The following PELI2 variants were observed in gnomAD, a reference collection of about 807,000 sequenced individuals.
PELI2 encodes E3 ubiquitin-protein ligase pellino homolog 2.
PELI2 carries 23 observed loss-of-function variants against 42.3 expected under a neutral mutation model. The observed-to-expected ratio is 0.54, with a 90% CI of 0.39 to 0.77. PELI2 has a LOEUF of 0.77. Among genes scored for constraint, PELI2 ranks in the 30% least tolerant of loss-of-function variants. PELI2 has a pLI of 0.00. For synonymous variants in PELI2, 245 were observed against 212.2 expected (o/e 1.15, Z -1.34); for missense variants, 463 against 553.2 (o/e 0.84, Z 1.64).
chr14:56,179,437 T>C (rs975331361), intron 2 of PELI2, among the ~76,000 whole-genome samples: 2 of 152,192 alleles, frequency 1.3e-5, no homozygotes, highest in Non-Finnish European at 2.9e-5. Context: ...TTTAAAAAGC[T>C]CCTATTTCTG....
intron 2 of PELI2, among the ~76,000 whole-genome samples, chr14:56,229,201 T>G (rs1269975645): frequency 6.6e-6 from 1 of 152,226 alleles, no homozygotes; most frequent in Non-Finnish European, 1.5e-5. Flanking sequence ...CAGAAGCTTT[T>G]GCAGACTTAA....
At chr14:56,247,731 C>T (rs1276271241) in intron 2 of PELI2, among the ~76,000 whole-genome samples, 2 of 152,218 alleles carry the variant, frequency 1.3e-5, no homozygotes, top group African/African-American at 4.8e-5. Flanking sequence ...TATAATCATT[C>T]ACCCAGGTAT....
At position 56,295,229 on chromosome 14, in the gene PELI2, A is replaced by G. The variant is rs114736764; in HGVS notation, c.697-1371A>G. 8.1e-4 allele frequency among the ~76,000 whole-genome samples: 123 copies of G among 151,874 alleles called. 1 individual carries two copies. Among genetic ancestry groups the G allele is most frequent in the African/African-American group, 2.9e-3 (119 of 41,428 alleles). On this transcript the variant is annotated intron_variant, in intron 5 of 5. Coordinates refer to ENST00000267460, the MANE Select transcript of PELI2 (RefSeq NM_021255.3). Reference sequence around the variant, plus strand: ...CTTTACCCCTCCAACCCACCCTCCAAAGTTCTAGAAGTGACCTTTTTGAAA... The same window carrying G: ...CTTTACCCCTCCAACCCACCCTCCAGAGTTCTAGAAGTGACCTTTTTGAAA...
chr14:56,151,590 C>T (rs10149001), intron 1 of PELI2, among the ~76,000 whole-genome samples: 115 of 152,252 alleles, frequency 7.6e-4, no homozygotes, highest in African/African-American at 2.7e-3. Flanking sequence ...TGCGTAGCTC[C>T]GTGGTGGTGA....
chr14:56,238,219 T>A (rs1337661445), intron 2 of PELI2, among the ~76,000 whole-genome samples: 1 of 152,156 alleles, frequency 6.6e-6, no homozygotes, highest in Non-Finnish European at 1.5e-5. Context: ...CTCTGCTGAG[T>A]TAATATGCCT....
At chr14:56,141,013 G>A (rs565271493) in intron 1 of PELI2, among the ~76,000 whole-genome samples, 1 of 152,162 alleles carries the variant, frequency 6.6e-6, no homozygotes, top group Non-Finnish European at 1.5e-5. Flanking sequence ...GCTGAGGAAA[G>A]CATTAGTTCA....
At chr14:56,271,839 G>T (rs573267695) in intron 2 of PELI2, among the ~76,000 whole-genome samples, 3 of 152,166 alleles carry the variant, frequency 2.0e-5, no homozygotes, top group Non-Finnish European at 4.4e-5. Context: ...AGCAGATCGC[G>T]TGAGCCCAGG....
intron 2 of PELI2, among the ~76,000 whole-genome samples, chr14:56,262,467 A>G (rs559105652): frequency 4.6e-5 from 7 of 152,044 alleles, no homozygotes; most frequent in African/African-American, 1.7e-4. Flanking sequence ...ATATCAGAGT[A>G]TTTTCCTTGA....
chr14:56,135,427 CAAT>C lies in PELI2; in HGVS notation c.77+16693_77+16695del, dbSNP rs143062716. 6.3e-3 allele frequency among the ~76,000 whole-genome samples: 960 copies of C among 152,174 alleles called. 11 individuals are homozygous for C. Among genetic ancestry groups the C allele is most frequent in the African/African-American group, 0.022 (921 of 41,496 alleles). Reference sequence around the variant, plus strand: ...ATGGTGTGTAATGGGCGCATGCTCTCAATAAAAAATGATGCAGAAATTGCAGAT... The same window carrying C: ...ATGGTGTGTAATGGGCGCATGCTCTCAAAAAATGATGCAGAAATTGCAGAT... On this transcript the variant is annotated intron_variant, in intron 1 of 5. Transcript: ENST00000267460.
At chr14:56,164,967 GT>G (rs35554850) in intron 1 of PELI2, among the ~76,000 whole-genome samples, 59,207 of 144,964 alleles carry the variant, frequency 0.41, 12,441 homozygotes, top group South Asian at 0.54. Flanking sequence ...AATTTTGTTG[GT>G]TTTTTTTTTT....
intron 2 of PELI2, among the ~76,000 whole-genome samples, chr14:56,207,896 A>G (rs1242239644): frequency 6.6e-6 from 1 of 152,242 alleles, no homozygotes; most frequent in Non-Finnish European, 1.5e-5. Context: ...CTCTCAGGAC[A>G]GACTGTGGAC....
chr14:56,296,429 G>A (rs911683700), intron 5 of PELI2, among the ~76,000 whole-genome samples, 171 bp from the exon 6 acceptor site: 2 of 152,224 alleles, frequency 1.3e-5, no homozygotes, highest in African/African-American at 4.8e-5. Context: ...GATCAGATGA[G>A]GAAGATGAGG....
intron 1 of PELI2, among the ~76,000 whole-genome samples, chr14:56,176,715 A>G (rs1885399561): frequency 6.6e-6 from 1 of 152,176 alleles, no homozygotes; most frequent in South Asian, 2.1e-4. Flanking sequence ...GTCATTCTCA[A>G]TCACATTATT....
intron 1 of PELI2, among the ~76,000 whole-genome samples, chr14:56,154,705 AT>A (rs1449159329): frequency 1.3e-5 from 2 of 152,144 alleles, no homozygotes; most frequent in African/African-American, 4.8e-5. Context: ...AAACAGTGAC[AT>A]AATTAACATC....
chr14:56,228,568 T>C lies in PELI2; in HGVS notation c.207+50104T>C, dbSNP rs143629442. On this transcript the variant is annotated intron_variant, in intron 2 of 5. Coordinates refer to ENST00000267460, the MANE Select transcript of PELI2 (RefSeq NM_021255.3). ...ATACACGATTATAAACTTAACATTT[T>C]TTAAAAACTGGATTAAAAAATTCAC... Among the ~76,000 whole-genome samples, 230 of 152,376 alleles carry C rather than the reference T, an allele frequency of 1.5e-3. 1 individual carries two copies. Among genetic ancestry groups the C allele is most frequent in the African/African-American group, 5.3e-3 (222 of 41,596 alleles).
chr14:56,195,160 T>C (rs1886088121), intron 2 of PELI2, among the ~76,000 whole-genome samples: 1 of 152,176 alleles, frequency 6.6e-6, no homozygotes, highest in South Asian at 2.1e-4. Flanking sequence ...GCTAAATAAG[T>C]CTAGAGGACG....
In PELI2 at chr14:56,288,408, T is replaced by G. The variant is rs753621780; in HGVS notation, c.310-29T>G. ...ATACGGCACCCTGCTATTTTCCAAG[T>G]GAATCACGAGTACATTTGATTTACT... On this transcript the variant is annotated intron_variant, in intron 3 of 5. Coordinates refer to ENST00000267460, the MANE Select transcript of PELI2 (RefSeq NM_021255.3). The surrounding 1 kb of genome is among the most constrained non-coding windows in gnomAD (Gnocchi z 4.6). The G allele has an allele frequency of 2.7e-5, 43 of 1,578,230 alleles. 1 individual carries two copies. The South Asian group carries it at 4.7e-4, about 17-fold the overall frequency.
At chr14:56,184,777 G>T (rs775264983) in intron 2 of PELI2, among the ~76,000 whole-genome samples, 1 of 152,022 alleles carries the variant, frequency 6.6e-6, no homozygotes, top group South Asian at 2.1e-4. Flanking sequence ...GACTTGGTTT[G>T]CCCATTGTTT....
At chr14:56,271,793 G>A (rs1889113940) in intron 2 of PELI2, among the ~76,000 whole-genome samples, 1 of 152,176 alleles carries the variant, frequency 6.6e-6, no homozygotes, top group African/African-American at 2.4e-5. Flanking sequence ...CTCCCATCGG[G>A]CAGGCTGTTA....
Sources: allele counts gnomAD v4.1 joint callset (sites outside exome capture counted in the v4.1 genomes callset), GRCh38; gene constraint gnomAD v4.1.1; non-coding constraint Gnocchi (gnomAD v3.1); transcripts MANE v1.5; gene names NCBI Gene and HGNC (gene_info 2026-07-23, HGNC 2026-07-21).